Variants in COL11A2 observed in about 807,000 individuals in gnomAD.
COL11A2 encodes collagen type XI alpha 2 chain.
A neutral mutation model predicts 273.4 loss-of-function variants in COL11A2; 116 were observed. That is an observed-to-expected ratio of 0.42 (90% confidence interval 0.36 to 0.49). COL11A2 has a LOEUF of 0.49. COL11A2 is among the 20% of genes least tolerant of loss of function. The probability of loss-of-function intolerance (pLI) is 0.00; values close to 1 mark genes in which losing one functional copy is unlikely to be tolerated. For synonymous variants in COL11A2, 782 were observed against 864.2 expected, an observed-to-expected ratio of 0.90 and a Z score of 1.67; for missense variants, 1,866 against 2,309.0, an observed-to-expected ratio of 0.81 and a Z score of 3.93.
In COL11A2 at chr6:33,168,940, CTGAG is replaced by C. The variant is rs1562320233; in HGVS notation, c.3852+11_3852+14del. On this transcript the variant is annotated intron_variant, in intron 52 of 65. Transcript: ENST00000341947. ...CCACCCTTTTTGCCCCTTCCCTTCT[CTGAG>C]TAAGACTCACCCGAGGGCCACCTTC... is the stretch of plus-strand genomic sequence containing the variant. 1 of 1,564,024 alleles carries C rather than the reference CTGAG, an allele frequency of 6.4e-7. No homozygotes were observed. Among genetic ancestry groups the C allele is most frequent in the East Asian group, 2.7e-5 (1 of 37,080 alleles).
Position 33,176,033 on chromosome 6 carries a change from CTA to C in COL11A2, c.2249_2250del (p.Ile750ArgfsTer5). 2 of 1,613,018 alleles carry C rather than the reference CTA, an allele frequency of 1.2e-6. No individual in the cohort carries two copies. The highest frequency in any genetic ancestry group is 2.2e-5 in the East Asian group (1 of 44,872). On this transcript the variant is annotated frameshift_variant, in exon 29 of 66. Coordinates refer to ENST00000341947, the MANE Select transcript of COL11A2 (RefSeq NM_080680.3). LOFTEE classifies it high-confidence loss of function. The surrounding 1 kb of genome is among the most constrained non-coding windows in gnomAD (Gnocchi z 4.9). ...EDGFPGFKGD[I>X]GVKGDRGEVG... ...CTACTCACCCTGTCACCTTTCACGC[CTA>C]TGTCACCTTTGAACCCAGGAAAGCC...
chr6:33,164,807 G>T lies in COL11A2; in HGVS notation c.4863+45C>A, dbSNP rs773377810. ...CCAGAAACCACTAAGCCCTGAGGGG[G>T]TGCACTATGGGGCAGGGGAGGGGCA... On this transcript the variant is annotated intron_variant, in intron 64 of 65. Coordinates refer to ENST00000341947, the MANE Select transcript of COL11A2 (RefSeq NM_080680.3). This position sits in a 1 kb window ranked among gnomAD's most constrained non-coding sequence, Gnocchi z 4.7. 32 of 1,502,962 alleles carry T rather than the reference G, an allele frequency of 2.1e-5. No homozygotes were observed. The highest frequency in any genetic ancestry group is 2.8e-5 in the Non-Finnish European group (31 of 1,104,922). 93.1% of individuals were successfully genotyped at this position (1,502,962 alleles called of 1,614,324 possible). A position where few individuals can be genotyped will look rare whatever the true frequency, so the allele number is the denominator to read the frequency against.
In COL11A2 at chr6:33,178,201, G is replaced by A; in HGVS notation, c.1819-16C>T. 1.2e-6 allele frequency: 2 copies of A among 1,611,656 alleles called. No homozygotes were observed. Among genetic ancestry groups the A allele is most frequent in the African/African-American group, 1.3e-5 (1 of 74,968 alleles). ...CTCGAGGTCCCTGCATTCACGGTGA[G>A]GGGAGGAGACGGCATGAATGGATAA... is the stretch of plus-strand genomic sequence containing the variant. On this transcript the variant is annotated splice_polypyrimidine_tract_variant and intron_variant, in intron 20 of 65. Coordinates refer to ENST00000341947, the MANE Select transcript of COL11A2 (RefSeq NM_080680.3). The surrounding 1 kb of genome is among the most constrained non-coding windows in gnomAD (Gnocchi z 4.6).
Position 33,169,428 on chromosome 6 carries a change from T to C in COL11A2, c.3753A>G (p.Pro1251=). The C allele has an allele frequency of 6.2e-7, 1 of 1,613,020 alleles. No homozygotes were observed. Among genetic ancestry groups the C allele is most frequent in the African/African-American group, 1.3e-5 (1 of 75,052 alleles). ...CATCGCCTGTGGGGCCTTTAGGCCCTGGTGGCCCTGGCTCTCCTGGCTGCC... is the reference window on the plus strand; with the variant it reads ...CATCGCCTGTGGGGCCTTTAGGCCCCGGTGGCCCTGGCTCTCCTGGCTGCC... ...ESGQPGEPGP[P]GPKGPTGDDG... Residue 1251 remains proline (P), a synonymous_variant, in exon 51 of 66, where the codon CCA becomes CCG. Transcript: ENST00000341947. The surrounding 1 kb of genome is among the most constrained non-coding windows in gnomAD (Gnocchi z 5.5).
At position 33,170,972 on chromosome 6, in the gene COL11A2, G is replaced by T; in HGVS notation, c.3367-55C>A. ...GACACAGGGATGGGTCATGGGTCAG[G>T]TGTTCTCTATCCACAAATACCACAC... is the stretch of plus-strand genomic sequence containing the variant. On this transcript the variant is annotated intron_variant, in intron 45 of 65. Transcript: ENST00000341947. The surrounding 1 kb of genome is among the most constrained non-coding windows in gnomAD (Gnocchi z 4.3). The T allele has an allele frequency of 6.3e-7, 1 of 1,589,608 alleles. No homozygotes were observed. Among genetic ancestry groups the T allele is most frequent in the Non-Finnish European group, 8.6e-7 (1 of 1,159,638 alleles).
Position 33,173,222 on chromosome 6 carries a change from G to C in COL11A2, c.2737-109C>G. 14 of 1,522,034 alleles carry C rather than the reference G, an allele frequency of 9.2e-6. No homozygotes were observed. The South Asian group carries it at 1.4e-4, about 15-fold the overall frequency. 94.3% of individuals were successfully genotyped at this position (1,522,034 alleles called of 1,614,324 possible). A position where few individuals can be genotyped will look rare whatever the true frequency, so the allele number is the denominator to read the frequency against. On this transcript the variant is annotated intron_variant, in intron 37 of 65. Transcript: ENST00000341947. The surrounding 1 kb of genome is among the most constrained non-coding windows in gnomAD (Gnocchi z 6.3). The stretch of plus-strand genomic sequence containing the variant: ...GATCACACCAAGCCCTGGGCCCTGG[G>C]TCTGAGCAGCACCAGGGCAGGCTCC...
chr6:33,173,788 C>T lies in COL11A2; in HGVS notation c.2584-43G>A. The T allele has an allele frequency of 1.9e-6, 3 of 1,608,384 alleles. No homozygotes were observed. The highest frequency in any genetic ancestry group is 2.6e-6 in the Non-Finnish European group (3 of 1,175,600). ...GTCAAGGAGTGGGAAGAGCTGCTTT[C>T]CAGCTGTCCCCGAGGTCAGGATGTT... On this transcript the variant is annotated intron_variant, in intron 34 of 65. Transcript: ENST00000341947. The surrounding 1 kb of genome is among the most constrained non-coding windows in gnomAD (Gnocchi z 6.3).
At position 33,179,318 on chromosome 6, in the gene COL11A2, G is replaced by T; in HGVS notation, c.1504-34C>A. 1 of 1,601,156 alleles carries T rather than the reference G, an allele frequency of 6.2e-7. No individual in the cohort carries two copies. Among genetic ancestry groups the T allele is most frequent in the Non-Finnish European group, 8.5e-7 (1 of 1,174,928 alleles). On this transcript the variant is annotated intron_variant, in intron 14 of 65. Transcript: ENST00000341947. The surrounding 1 kb of genome is among the most constrained non-coding windows in gnomAD (Gnocchi z 6.4). ...GAGAAGAGAGGATGGCCGTAAGGAA[G>T]GACACAGCCAACAGTGGCCTCGGAG...
At position 33,178,037 on chromosome 6, in the gene COL11A2, C is replaced by T. The variant is rs573400874; in HGVS notation, c.1872+95G>A. 1.1e-5 allele frequency: 14 copies of T among 1,297,736 alleles called. No homozygotes were observed. The highest frequency in any genetic ancestry group is 7.0e-5 in the East Asian group (3 of 43,158). The allele number at this position is 1,297,736 out of a possible 1,614,324, so 80.4% of individuals were successfully genotyped here. ...AGCTCACAGGGAATGGGAAGCATGC[C>T]GAGAGAGGAGAGGGAGCAGGAAGGC... On this transcript the variant is annotated intron_variant, in intron 21 of 65. Coordinates refer to ENST00000341947, the MANE Select transcript of COL11A2 (RefSeq NM_080680.3). The surrounding 1 kb of genome is among the most constrained non-coding windows in gnomAD (Gnocchi z 4.6).
At position 33,170,398 on chromosome 6, in the gene COL11A2, C is replaced by A; in HGVS notation, c.3529-19G>T. 1 of 1,612,288 alleles carries A rather than the reference C, an allele frequency of 6.2e-7. No homozygotes were observed. The highest frequency in any genetic ancestry group is 8.5e-7 in the Non-Finnish European group (1 of 1,179,028). On this transcript the variant is annotated intron_variant, in intron 47 of 65. Transcript: ENST00000341947. The surrounding 1 kb of genome is among the most constrained non-coding windows in gnomAD (Gnocchi z 4.3). ...GTGGTCCCTGGGGGAAACAGATACA[C>A]CACAGATGAGGAAGGGAAGTGAGAT...
At position 33,169,331 on chromosome 6, in the gene COL11A2, T is replaced by C; in HGVS notation, c.3798+52A>G. 6.7e-7 allele frequency: 1 copy of C among 1,500,538 alleles called. No homozygotes were observed. Among genetic ancestry groups the C allele is most frequent in the Non-Finnish European group, 9.2e-7 (1 of 1,083,406 alleles). The allele number at this position is 1,500,538 out of a possible 1,614,324, so 93.0% of individuals were successfully genotyped here. ...CCTCACACACACCCATATTCCCAGG[T>C]CTGTCATTCACAGGGCCTGAGAGGA... is the stretch of plus-strand genomic sequence containing the variant. On this transcript the variant is annotated intron_variant, in intron 51 of 65. Transcript: ENST00000341947. The surrounding 1 kb of genome is among the most constrained non-coding windows in gnomAD (Gnocchi z 5.5).
rs1452473717 is a variant in COL11A2 at position 33,168,591 on chromosome 6, G to A, written c.3907-19C>T. The A allele has an allele frequency of 1.9e-6, 3 of 1,613,048 alleles. No homozygotes were observed. Among genetic ancestry groups the A allele is most frequent in the African/African-American group, 1.3e-5 (1 of 74,838 alleles). ...GGGATCCCTAGGGAGAGAGGAATTG[G>A]GGTGGCTGAGTGTTTATCCTCCAGC... is the stretch of plus-strand genomic sequence containing the variant. On this transcript the variant is annotated intron_variant, in intron 53 of 65. Transcript: ENST00000341947.
In COL11A2 at chr6:33,186,858, G is replaced by A. The variant is rs369872864; in HGVS notation, c.607-40C>T. The A allele has an allele frequency of 5.3e-4, 862 of 1,612,268 alleles. 6 individuals are homozygous for A. Among genetic ancestry groups the A allele is most frequent in the Middle Eastern group, 5.3e-3 (32 of 6,052 alleles). On this transcript the variant is annotated intron_variant, in intron 4 of 65. Transcript: ENST00000341947. The stretch of plus-strand genomic sequence containing the variant: ...GAGAGATGGAGCGGAGAGATTCAGA[G>A]AGAGGCAGAGGGTATCATCCGGGAG...
Position 33,188,892 on chromosome 6 carries a change from G to T in COL11A2, c.443+86C>A. The T allele has an allele frequency of 2.1e-6, 3 of 1,456,010 alleles. No individual in the cohort carries two copies. In the South Asian group the frequency reaches 3.4e-5, roughly 17 times the overall value. 90.2% of individuals were successfully genotyped at this position (1,456,010 alleles called of 1,614,324 possible). A position where few individuals can be genotyped will look rare whatever the true frequency, so the allele number is the denominator to read the frequency against. ...GTGGTGTGGCCCAAAGGGTCTCAAGGGTTTCACAGTTTAGAGTGTAGGGGT... is the reference window on the plus strand; with the variant it reads ...GTGGTGTGGCCCAAAGGGTCTCAAGTGTTTCACAGTTTAGAGTGTAGGGGT... On this transcript the variant is annotated intron_variant, in intron 3 of 65. Transcript: ENST00000341947.
chr6:33,184,881 G>A, intron 7 of COL11A2, 111 bp downstream of exon 7: 1 of 886,962 alleles, frequency 1.1e-6, no homozygotes, highest in Non-Finnish European at 1.8e-6. Flanking sequence ...AAATGAGGAA[G>A]AACCCTCCGG....
chr6:33,179,304 A>G lies in COL11A2; in HGVS notation c.1504-20T>C, dbSNP rs1771383007. 6.2e-7 allele frequency: 1 copy of G among 1,606,582 alleles called. No individual in the cohort carries two copies. The highest frequency in any genetic ancestry group is 8.5e-7 in the Non-Finnish European group (1 of 1,177,420). The stretch of plus-strand genomic sequence containing the variant: ...TTGGCCCTGGGAGAGAGAAGAGAGG[A>G]TGGCCGTAAGGAAGGACACAGCCAA... On this transcript the variant is annotated intron_variant, in intron 14 of 65. Coordinates refer to ENST00000341947, the MANE Select transcript of COL11A2 (RefSeq NM_080680.3). The surrounding 1 kb of genome is among the most constrained non-coding windows in gnomAD (Gnocchi z 6.4).
rs1770804023 is a variant in COL11A2 at position 33,175,694 on chromosome 6, G to A, written c.2269-13C>T. On this transcript the variant is annotated splice_polypyrimidine_tract_variant and intron_variant, in intron 29 of 65. Transcript: ENST00000341947. The stretch of plus-strand genomic sequence containing the variant: ...CTCCAACTTCGCCCTGTGTGAGAGG[G>A]AAGGACAGGTGAGTGCTGGGGACTG... 1 of 1,609,866 alleles carries A rather than the reference G, an allele frequency of 6.2e-7. No homozygotes were observed. Among genetic ancestry groups the A allele is most frequent in the African/African-American group, 1.3e-5 (1 of 74,858 alleles).
In COL11A2 at chr6:33,192,405, T is replaced by C; in HGVS notation, c.-165A>G. 1 of 694,310 alleles carries C rather than the reference T, an allele frequency of 1.4e-6. No individual in the cohort carries two copies. The allele number at this position is 694,310 out of a possible 1,614,324, so 43.0% of individuals were successfully genotyped here. On this transcript the variant is annotated 5_prime_UTR_variant, in exon 1 of 66. An upstream start codon of the reference 5' UTR is lost. Coordinates refer to ENST00000341947, the MANE Select transcript of COL11A2 (RefSeq NM_080680.3). The stretch of plus-strand genomic sequence containing the variant: ...GACAGCTGTCAGCGGCCCAGCTCCA[T>C]GCAGCAAGGCGCCGTCGGGGCTCCC...
intron 30 of COL11A2, chr6:33,175,360 T>G: frequency 2.9e-6 from 2 of 687,998 alleles, no homozygotes; most frequent in Non-Finnish European, 5.3e-6. Flanking sequence ...TTCGTCTCCG[T>G]CCAACTCTTC....
Sources: allele counts gnomAD v4.1 joint callset, GRCh38; gene constraint gnomAD v4.1.1; non-coding constraint Gnocchi (gnomAD v3.1); transcripts MANE v1.5; gene names NCBI Gene and HGNC (gene_info 2026-07-23, HGNC 2026-07-21).